The following NFASC variants were observed in gnomAD, a reference collection of about 807,000 sequenced individuals.
NFASC encodes the protein neurofascin homolog.
NFASC carries 43 observed loss-of-function variants against 147.5 expected under a neutral mutation model. The observed-to-expected ratio is 0.29, with a 90% CI of 0.23 to 0.38. The LOEUF is 0.38. NFASC is among the 10% of genes least tolerant of loss of function. The pLI, the probability that NFASC is intolerant of heterozygous loss-of-function variation, is 1.00. For missense variants in NFASC, 1,320 were observed against 1,689.0 expected, an observed-to-expected ratio of 0.78 and a Z score of 3.83; for synonymous variants, 622 against 665.5, an observed-to-expected ratio of 0.93 and a Z score of 1.01.
At chr1:205,014,485 C>A (rs140856521) in intron 29 of NFASC, among the ~76,000 whole-genome samples, 5 of 152,218 alleles carry the variant, frequency 3.3e-5, no homozygotes, top group Non-Finnish European at 5.9e-5. Flanking sequence ...GCTAAGTGGC[C>A]GACCACCTTT....
At chr1:204,921,871 T>C (rs912027253) in intron 2 of NFASC, among the ~76,000 whole-genome samples, 2 of 152,182 alleles carry the variant, frequency 1.3e-5, no homozygotes, top group Non-Finnish European at 2.9e-5. Context: ...GTTTCTTGTG[T>C]GGGCCCTTTA....
At chr1:204,984,280 G>A (rs2095562996) in intron 21 of NFASC, 6 of 617,852 alleles carry the variant, frequency 9.7e-6, no homozygotes, top group Admixed American at 2.9e-5. Flanking sequence ...AGAAGATAAT[G>A]TCTAGGGTTA....
At chr1:204,861,078 CTTTTTTTTTTTTTTTT>C (rs1162020795) in intron 1 of NFASC, among the ~76,000 whole-genome samples, 6 of 68,948 alleles carry the variant, frequency 8.7e-5, no homozygotes, top group South Asian at 4.3e-4. Context: ...ACTTGCTTTC[CTTTTTTTTTTTTTTTT>C]TTTTTTTTTT....
In NFASC at chr1:205,017,633, T is replaced by A. The variant is rs1174986345; in HGVS notation, c.*1094T>A. On this transcript the variant is annotated 3_prime_UTR_variant, in exon 30 of 30. Transcript: ENST00000339876. ...GAACCCTGTGATGCAAAAGCTTTGC[T>A]GGTGTGTTTGGGGCATAAGGCACTG... 1 of 152,694 alleles carries A rather than the reference T, an allele frequency of 6.5e-6. No individual in the cohort carries two copies. Among genetic ancestry groups the A allele is most frequent in the Non-Finnish European group, 1.5e-5 (1 of 68,084 alleles). The allele number at this position is 152,694 out of a possible 1,614,324, so 9.5% of individuals were successfully genotyped here. A position where few individuals can be genotyped will look rare whatever the true frequency, so the allele number is the denominator to read the frequency against.
rs1399678476 is a variant in NFASC, at chr1:204,954,592, T to C, written c.412+208T>C. ...AAGTTGTTGTCTGCAACAATTTCAC[T>C]GGCCACTGCGGGCACAGGAGACGGG... On this transcript the variant is annotated intron_variant, in intron 6 of 29. Transcript: ENST00000339876. The surrounding 1 kb of genome is among the most constrained non-coding windows in gnomAD (Gnocchi z 5.7). Among the ~76,000 whole-genome samples, 5 of 152,326 alleles carry C rather than the reference T, an allele frequency of 3.3e-5. No individual in the cohort carries two copies. The South Asian group carries it at 8.3e-4, about 25-fold the overall frequency.
chr1:204,924,738 G>A (rs1370907331), intron 2 of NFASC, among the ~76,000 whole-genome samples: 1 of 152,208 alleles, frequency 6.6e-6, no homozygotes, highest in East Asian at 1.9e-4. Context: ...AGGGTATGGT[G>A]TCTGCACAGG....
chr1:204,847,964 G>A (rs1180993001), intron 1 of NFASC, among the ~76,000 whole-genome samples: 2 of 152,188 alleles, frequency 1.3e-5, no homozygotes. Flanking sequence ...TAAAGAGAGG[G>A]TGGAGGGCAG....
Position 204,957,741 on chromosome 1 carries a change from G to A in NFASC, c.621G>A (p.Met207Ile), listed in dbSNP as rs1180186788. The part of the protein sequence containing the change: ...LYFSNVMLQD[M>I]QTDYSCNARF... The stretch of plus-strand genomic sequence containing the variant: ...TCTCCAACGTGATGCTGCAGGACAT[G>A]CAGACCGACTACAGTTGTAACGCCC... The change falls in exon 8 of 30, where the codon ATG becomes ATA. Residue 207 changes from methionine (M) to isoleucine (I), a missense_variant. Coordinates refer to ENST00000339876, the MANE Select transcript of NFASC (RefSeq NM_001005388.3). 10 of 1,614,152 alleles carry A rather than the reference G, an allele frequency of 6.2e-6. No homozygotes were observed. The highest frequency in any genetic ancestry group is 8.5e-6 in the Non-Finnish European group (10 of 1,180,014).
chr1:204,949,561 G>A (rs2093978559), intron 3 of NFASC, among the ~76,000 whole-genome samples: 1 of 152,314 alleles, frequency 6.6e-6, no homozygotes. Flanking sequence ...AGCAACACAT[G>A]TTCCCTTTTC....
chr1:204,912,743 G>A (rs910699547), intron 1 of NFASC, among the ~76,000 whole-genome samples: 11 of 151,472 alleles, frequency 7.3e-5, no homozygotes, highest in Non-Finnish European at 1.6e-4. Context: ...TGTGGTCTAG[G>A]CACAAAGGCT....
intron 1 of NFASC, among the ~76,000 whole-genome samples, chr1:204,900,794 G>A (rs1461363255): frequency 1.3e-5 from 2 of 152,174 alleles, no homozygotes; most frequent in Non-Finnish European, 2.9e-5. Context: ...AAGAATGGTA[G>A]CTTAGACTAG....
chr1:204,940,171 AG>A (rs1270416872), intron 2 of NFASC, among the ~76,000 whole-genome samples: 1 of 152,194 alleles, frequency 6.6e-6, no homozygotes, highest in African/African-American at 2.4e-5. Context: ...CACAGCTCAA[AG>A]CCGGGCGCGA....
rs114310067 is a variant in NFASC at position 204,888,322 on chromosome 1, C to T, written c.-199-32310C>T. 1.0e-2 allele frequency among the ~76,000 whole-genome samples: 1,516 copies of T among 152,264 alleles called. 29 individuals are homozygous for T. The highest frequency in any genetic ancestry group is 0.034 in the African/African-American group (1,392 of 41,534). ...AATTACAACAAATTTAGTTAAAGAT[C>T]GAATTAGCTTTTATTTGTGATCCTA... On this transcript the variant is annotated intron_variant, in intron 1 of 29. Transcript: ENST00000339876.
chr1:204,919,284 C>T (rs997312711), intron 1 of NFASC, among the ~76,000 whole-genome samples: 9 of 152,184 alleles, frequency 5.9e-5, no homozygotes, highest in Non-Finnish European at 1.0e-4. Context: ...CTCAGCCTCC[C>T]AAAGTGCTAG....
At chr1:204,930,299 G>C (rs923953469) in intron 2 of NFASC, among the ~76,000 whole-genome samples, 1 of 152,180 alleles carries the variant, frequency 6.6e-6, no homozygotes, top group Non-Finnish European at 1.5e-5. Context: ...CATGTCTGCA[G>C]AGCCGGGGCA....
At position 205,002,644 on chromosome 1, in the gene NFASC, T is replaced by C; in HGVS notation, c.3185T>C (p.Ile1062Thr). Residue 1062 changes from isoleucine (I) to threonine (T), a missense_variant, in exon 27 of 30, where the codon ATA becomes ACA. Ile to Thr is a moderately conservative substitution (Grantham distance 89). Transcript: ENST00000339876. Reference sequence around the variant, plus strand: ...CCAGTTAAGGCCCAGGCTCAGCCTATACAGCTGACAGACCTCTATCCCGGG... The same window carrying C: ...CCAGTTAAGGCCCAGGCTCAGCCTACACAGCTGACAGACCTCTATCCCGGG... Reference protein sequence around the residue: ...TVPVKAQAQPIQLTDLYPGMT... With the variant: ...TVPVKAQAQPTQLTDLYPGMT... 6.3e-7 allele frequency: 1 copy of C among 1,578,430 alleles called. No homozygotes were observed. The highest frequency in any genetic ancestry group is 8.7e-7 in the Non-Finnish European group (1 of 1,153,876).
In NFASC at chr1:204,845,465, T is replaced by A. The variant is rs576476674; in HGVS notation, c.-200+16683T>A. Among the ~76,000 whole-genome samples, 29 of 151,562 alleles carry A rather than the reference T, an allele frequency of 1.9e-4. No homozygotes were observed. In the East Asian group the frequency reaches 2.1e-3, roughly 11 times the overall value. ...AGAGTGAGACTCCATCTCAAAAAAA[T>A]AATAATAATAATAAAATAAAGGACA... On this transcript the variant is annotated intron_variant, in intron 1 of 29. Transcript: ENST00000339876.
intron 3 of NFASC, among the ~76,000 whole-genome samples, chr1:204,945,637 A>G (rs945689474): frequency 1.3e-5 from 2 of 152,170 alleles, no homozygotes; most frequent in Non-Finnish European, 2.9e-5. Flanking sequence ...AGGCATGTGG[A>G]CTTGAATGTA....
chr1:204,946,182 C>G, intron 3 of NFASC: 1 of 397,618 alleles, frequency 2.5e-6, no homozygotes, highest in Non-Finnish European at 5.3e-6. Flanking sequence ...GAAACTCAAG[C>G]CTTTGCTAGC....
Sources: allele counts gnomAD v4.1 joint callset (sites outside exome capture counted in the v4.1 genomes callset), GRCh38; gene constraint gnomAD v4.1.1; non-coding constraint Gnocchi (gnomAD v3.1); transcripts MANE v1.5; gene names NCBI Gene and HGNC (gene_info 2026-07-23, HGNC 2026-07-21).